The following PRKCB variants were observed in gnomAD, a reference collection of about 807,000 sequenced individuals.
PRKCB encodes protein kinase C beta.
Under a neutral mutation model 81.5 loss-of-function variants are expected in PRKCB, and 13 were observed. The ratio of observed to expected loss-of-function variants is 0.16; its 90% CI spans 0.10 to 0.25. The LOEUF (loss-of-function observed/expected upper bound fraction) is 0.25. Ranked by LOEUF, PRKCB falls within the 10% of genes least tolerant of loss-of-function variation. The probability of loss-of-function intolerance (pLI) is 1.00; values close to 1 mark genes in which losing one functional copy is unlikely to be tolerated. For missense variants in PRKCB, 509 were observed against 875.7 expected, an observed-to-expected ratio of 0.58 and a Z score of 5.29; for synonymous variants, 335 against 321.4, an observed-to-expected ratio of 1.04 and a Z score of -0.45.
chr16:24,191,698 A>G (rs1967796556), intron 16 of PRKCB: 2 of 152,732 alleles, frequency 1.3e-5, no homozygotes, highest in Admixed American at 6.5e-5. Context: ...GAGTCAGTAA[A>G]TAAGATGGCA....
chr16:24,099,187 T>C (rs1378323857), intron 7 of PRKCB: 4 of 152,234 alleles, frequency 2.6e-5, no homozygotes, highest in South Asian at 2.1e-4. Flanking sequence ...GTCACAATTT[T>C]ACACAGCACT....
intron 3 of PRKCB, among the ~76,000 whole-genome samples, chr16:24,004,688 G>C (rs1965093136): frequency 2.0e-5 from 3 of 151,798 alleles, no homozygotes; most frequent in Non-Finnish European, 4.4e-5. Context: ...CATAAAACAG[G>C]GAAGGAGAAA....
At chr16:23,970,549 G>T (rs973568180) in intron 2 of PRKCB, among the ~76,000 whole-genome samples, 13 of 152,216 alleles carry the variant, frequency 8.5e-5, no homozygotes, top group African/African-American at 2.4e-4. Flanking sequence ...CTTTCATTCA[G>T]CCTTCCCATT....
At chr16:23,970,128 G>T (rs1007526807) in intron 2 of PRKCB, among the ~76,000 whole-genome samples, 7 of 152,230 alleles carry the variant, frequency 4.6e-5, no homozygotes, top group African/African-American at 1.7e-4. Flanking sequence ...AAATGACAGG[G>T]TATTAAAACG....
At chr16:23,891,047 T>TATATA (rs1555482496) in intron 2 of PRKCB, among the ~76,000 whole-genome samples, 2 of 148,526 alleles carry the variant, frequency 1.3e-5, no homozygotes, top group African/African-American at 2.5e-5. Context: ...TGTGTATATA[T>TATATA]ATATATAATT....
chr16:24,187,326 G>A (rs2141977162), intron 15 of PRKCB, among the ~76,000 whole-genome samples: 1 of 152,276 alleles, frequency 6.6e-6, no homozygotes, highest in Admixed American at 6.5e-5. Flanking sequence ...TTCAAATCCT[G>A]GTTCAGGCAT....
intron 5 of PRKCB, among the ~76,000 whole-genome samples, chr16:24,047,086 C>G (rs946108044): frequency 6.6e-6 from 1 of 151,986 alleles, no homozygotes; most frequent in Non-Finnish European, 1.5e-5. Context: ...TGCCTGTAAT[C>G]CCAGCACTTG....
intron 2 of PRKCB, among the ~76,000 whole-genome samples, chr16:23,890,730 G>A (rs1336470880): frequency 6.6e-6 from 1 of 152,088 alleles, no homozygotes; most frequent in Non-Finnish European, 1.5e-5. Flanking sequence ...TCCCCATCCT[G>A]CCTGAAGAGG....
chr16:24,102,824 A>G (rs1966525109), intron 7 of PRKCB, among the ~76,000 whole-genome samples: 1 of 152,080 alleles, frequency 6.6e-6, no homozygotes, highest in Admixed American at 6.5e-5. Context: ...TTTGACTTTC[A>G]GTTGAACATT....
chr16:24,076,122 G>A (rs563937622), intron 5 of PRKCB, among the ~76,000 whole-genome samples: 9 of 152,304 alleles, frequency 5.9e-5, no homozygotes, highest in Admixed American at 3.9e-4. Flanking sequence ...TGATGCTGAC[G>A]CTGCTAGTCT....
intron 5 of PRKCB, among the ~76,000 whole-genome samples, chr16:24,057,618 T>C (rs1596531076): frequency 6.6e-6 from 1 of 151,978 alleles, no homozygotes; most frequent in African/African-American, 2.4e-5. Flanking sequence ...AAAGGGGGGA[T>C]TGGTGAAGAG....
At chr16:24,074,378 C>T (rs1016928229) in intron 5 of PRKCB, among the ~76,000 whole-genome samples, 3 of 152,154 alleles carry the variant, frequency 2.0e-5, no homozygotes, top group Non-Finnish European at 1.5e-5. Flanking sequence ...GGACAAGTCA[C>T]TCAACCCCCT....
At chr16:23,962,971 C>T (rs1247888588) in intron 2 of PRKCB, 3 of 152,198 alleles carry the variant, frequency 2.0e-5, no homozygotes, top group African/African-American at 7.2e-5. Context: ...AGCTTAGCTT[C>T]ATTTACAAGT....
intron 5 of PRKCB, among the ~76,000 whole-genome samples, chr16:24,062,539 G>T (rs1209749210): frequency 3.9e-5 from 6 of 152,236 alleles, no homozygotes; most frequent in African/African-American, 1.2e-4. Context: ...AGGGGGGTTT[G>T]TAGGCAAGGA....
intron 2 of PRKCB, among the ~76,000 whole-genome samples, chr16:23,882,012 T>TTCTCTTTCTTTCTTTC (rs774974881): frequency 9.8e-6 from 1 of 101,888 alleles, no homozygotes; most frequent in Non-Finnish European, 2.0e-5. Flanking sequence ...CTTTCTTTCT[T>TTCTCTTTCTTTCTTTC]TCTTTCTTTC....
chr16:23,975,178 C>T (rs545100202), intron 2 of PRKCB, among the ~76,000 whole-genome samples: 32 of 152,324 alleles, frequency 2.1e-4, no homozygotes, highest in Admixed American at 5.2e-4. Context: ...GCAAGTCATT[C>T]CTCGTTGCAG....
chr16:23,988,249 A>G (rs959322512), intron 2 of PRKCB, among the ~76,000 whole-genome samples: 4 of 152,218 alleles, frequency 2.6e-5, no homozygotes, highest in African/African-American at 9.6e-5. Context: ...AAGGGAGTGT[A>G]ATTTTGAGCA....
chr16:23,993,606 T>C (rs1964918160), intron 3 of PRKCB, among the ~76,000 whole-genome samples: 1 of 152,186 alleles, frequency 6.6e-6, no homozygotes, highest in South Asian at 2.1e-4. Flanking sequence ...CTTTAAGAGC[T>C]CTGTGATCCC....
At chr16:23,987,661 T>C (rs1371933708) in intron 2 of PRKCB, among the ~76,000 whole-genome samples, 1 of 152,178 alleles carries the variant, frequency 6.6e-6, no homozygotes, top group Non-Finnish European at 1.5e-5. Context: ...TTTCCTGTTC[T>C]ATTTTCATTT....
Sources: allele counts gnomAD v4.1 joint callset (sites outside exome capture counted in the v4.1 genomes callset), GRCh38; gene constraint gnomAD v4.1.1; transcripts MANE v1.5; gene names NCBI Gene and HGNC (gene_info 2026-07-23, HGNC 2026-07-21).